POU6F2: variants seen among roughly 807,000 people sequenced by gnomAD.
The protein encoded by POU6F2 is POU class 6 homeobox 2, also known as POU domain, class 6, transcription factor 2.
In POU6F2, 31 loss-of-function variants were observed where a neutral mutation model predicts 71.3. The ratio of observed to expected loss-of-function variants is 0.43; its 90% CI spans 0.33 to 0.59. POU6F2 has a LOEUF of 0.59. Among genes scored for constraint, POU6F2 ranks in the 20% least tolerant of loss-of-function variants. The pLI, the probability that POU6F2 is intolerant of heterozygous loss-of-function variation, is 0.04. For synonymous variants in POU6F2, 347 were observed against 355.7 expected (o/e 0.98, Z 0.27); for missense variants, 783 against 856.8 (o/e 0.91, Z 1.07).
chr7:39,304,713 ATTCCTTTCTAT>A (rs1242117734), intron 4 of POU6F2, among the ~76,000 whole-genome samples: 2 of 152,358 alleles, frequency 1.3e-5, no homozygotes, highest in Middle Eastern at 3.4e-3. Context: ...CACACACAGC[ATTCCTTTCTAT>A]TTGGAAAGGA....
chr7:39,399,663 G>A (rs1787253674), intron 5 of POU6F2, among the ~76,000 whole-genome samples: 1 of 152,076 alleles, frequency 6.6e-6, no homozygotes, highest in African/African-American at 2.4e-5. Context: ...AGACCAGACT[G>A]GGCAATGCAG....
chr7:39,172,749 T>TAGCTGGG (rs1176238845), intron 2 of POU6F2, among the ~76,000 whole-genome samples: 1 of 151,690 alleles, frequency 6.6e-6, no homozygotes, highest in Non-Finnish European at 1.5e-5. Context: ...GTTTCCCAAG[T>TAGCTGGG]AGCTGGGACT....
intron 1 of POU6F2, among the ~76,000 whole-genome samples, chr7:39,016,055 AT>A (rs368320318): frequency 1.4e-5 from 1 of 69,196 alleles, no homozygotes; most frequent in African/African-American, 4.9e-5. Context: ...TATTATATAT[AT>A]TATATATAAT....
chr7:39,128,494 G>A (rs549571676), intron 2 of POU6F2, among the ~76,000 whole-genome samples: 4 of 152,222 alleles, frequency 2.6e-5, no homozygotes, highest in African/African-American at 9.6e-5. Flanking sequence ...ATATAAATGG[G>A]TTACCATAGA....
intron 5 of POU6F2, among the ~76,000 whole-genome samples, chr7:39,344,744 G>T (rs546643335): frequency 6.6e-6 from 1 of 152,150 alleles, no homozygotes; most frequent in South Asian, 2.1e-4. Flanking sequence ...AAAGGGAGGG[G>T]GTAAAATTAA....
intron 4 of POU6F2, among the ~76,000 whole-genome samples, chr7:39,240,218 T>C (rs1783696011): frequency 6.6e-6 from 1 of 152,070 alleles, no homozygotes; most frequent in Non-Finnish European, 1.5e-5. Flanking sequence ...GCAAGGAAAT[T>C]ACCCCAAATC....
rs1787115820 is a variant in POU6F2 at position 39,393,594 on chromosome 7, T to G, written c.973-13006T>G. On this transcript the variant is annotated intron_variant, in intron 5 of 9. Transcript: ENST00000518318. ...TTCAAGAGGGTAGATGTTCTAAGGTTCAGCGGCAGACCAACAACAAATGGC... is the reference window on the plus strand; with the variant it reads ...TTCAAGAGGGTAGATGTTCTAAGGTGCAGCGGCAGACCAACAACAAATGGC... 2.0e-5 allele frequency among the ~76,000 whole-genome samples: 3 copies of G among 152,206 alleles called. No homozygotes were observed. The South Asian group carries it at 6.2e-4, about 31-fold the overall frequency.
intron 4 of POU6F2, among the ~76,000 whole-genome samples, chr7:39,303,050 C>G (rs1390742251): frequency 1.3e-5 from 2 of 152,248 alleles, no homozygotes; most frequent in Non-Finnish European, 2.9e-5. Context: ...GGGGATTCCA[C>G]TTGGAGAATC....
intron 7 of POU6F2, among the ~76,000 whole-genome samples, chr7:39,450,357 A>T (rs1159731959): frequency 2.6e-5 from 4 of 152,196 alleles, no homozygotes; most frequent in African/African-American, 9.6e-5. Context: ...ATATGAAAGC[A>T]CTTTACAAAC....
At chr7:38,981,865 GT>G (rs1788324470) in intron 1 of POU6F2, among the ~76,000 whole-genome samples, 1 of 152,154 alleles carries the variant, frequency 6.6e-6, no homozygotes, top group African/African-American at 2.4e-5. Flanking sequence ...TGGCTTAACA[GT>G]ATCTCCATGT....
chr7:39,330,563 C>CA (rs1158260351), intron 4 of POU6F2, among the ~76,000 whole-genome samples: 2 of 152,012 alleles, frequency 1.3e-5, no homozygotes, highest in East Asian at 1.9e-4. Flanking sequence ...CCTGCAGAGC[C>CA]AAAAAAATAC....
chr7:39,352,874 A>AT (rs1280400714), intron 5 of POU6F2, among the ~76,000 whole-genome samples: 24 of 152,308 alleles, frequency 1.6e-4, no homozygotes, highest in Non-Finnish European at 1.8e-4. Flanking sequence ...GCCCAAAAAA[A>AT]GGAACTTTTG....
intron 5 of POU6F2, among the ~76,000 whole-genome samples, chr7:39,367,821 C>T (rs1264274526): frequency 6.6e-6 from 1 of 152,096 alleles, no homozygotes; most frequent in Non-Finnish European, 1.5e-5. Flanking sequence ...TACAATATTA[C>T]AAGTTTATTC....
At chr7:39,086,834 G>A (rs188905099) in intron 2 of POU6F2, among the ~76,000 whole-genome samples, 66 of 152,254 alleles carry the variant, frequency 4.3e-4, no homozygotes, top group East Asian at 4.3e-3. Flanking sequence ...TTGTTGAGGC[G>A]CGTGCCTGAG....
chr7:39,304,054 A>G (rs1175328093), intron 4 of POU6F2, among the ~76,000 whole-genome samples: 1 of 152,250 alleles, frequency 6.6e-6, no homozygotes, highest in Non-Finnish European at 1.5e-5. Flanking sequence ...AAATGGGATT[A>G]GGTGTTTCTA....
chr7:39,020,364 G>A (rs566984618), intron 1 of POU6F2, among the ~76,000 whole-genome samples: 1 of 152,162 alleles, frequency 6.6e-6, no homozygotes, highest in South Asian at 2.1e-4. Flanking sequence ...CATTCATATT[G>A]TGTTCTCAGT....
chr7:38,987,052 G>C (rs1001188809), intron 1 of POU6F2, among the ~76,000 whole-genome samples: 1 of 152,108 alleles, frequency 6.6e-6, no homozygotes, highest in East Asian at 1.9e-4. Context: ...AAGTAGAGAA[G>C]TTTCATTTCT....
intron 6 of POU6F2, among the ~76,000 whole-genome samples, chr7:39,429,142 G>A (rs1045428010): frequency 6.7e-5 from 10 of 150,158 alleles, no homozygotes; most frequent in African/African-American, 2.4e-4. Context: ...CTCACTCATC[G>A]GAACCCCTTG....
At chr7:39,082,274 T>A (rs1014806082) in intron 1 of POU6F2, among the ~76,000 whole-genome samples, 1 of 152,230 alleles carries the variant, frequency 6.6e-6, no homozygotes, top group Non-Finnish European at 1.5e-5. Flanking sequence ...TGTCCTGTAT[T>A]GGCACATGCC....
Sources: gnomAD v4.1 joint callset for allele counts (sites outside exome capture counted in the v4.1 genomes callset) on GRCh38, gnomAD v4.1.1 for gene constraint, MANE v1.5 for transcripts, NCBI Gene and HGNC (gene_info 2026-07-23, HGNC 2026-07-21) for gene names.